Variants in RABGAP1 observed in about 807,000 individuals in gnomAD.
RABGAP1 encodes RAB GTPase activating protein 1, also known as rab GTPase-activating protein 1.
Under a neutral mutation model 137.6 loss-of-function variants are expected in RABGAP1, and 23 were observed. The ratio of observed to expected loss-of-function variants is 0.17; its 90% CI spans 0.12 to 0.24. The LOEUF is 0.24. Ranked by LOEUF, RABGAP1 falls within the 10% of genes least tolerant of loss-of-function variation. The probability of loss-of-function intolerance (pLI) is 1.00; values close to 1 mark genes in which losing one functional copy is unlikely to be tolerated. For missense variants in RABGAP1, 906 were observed against 1,275.8 expected, an observed-to-expected ratio of 0.71 and a Z score of 4.42; for synonymous variants, 451 against 450.7, an observed-to-expected ratio of 1.00 and a Z score of -0.01.
chr9:122,975,698 G>A (rs1588199290), intron 2 of RABGAP1, among the ~76,000 whole-genome samples: 3 of 152,242 alleles, frequency 2.0e-5, no homozygotes, highest in Admixed American at 2.0e-4. Context: ...ACACTTATTG[G>A]ATGCTATTTG....
intron 11 of RABGAP1, 31 bp from the exon 12 acceptor site, chr9:123,015,512 T>C (rs187734452): frequency 8.1e-5 from 116 of 1,437,930 alleles, no homozygotes; most frequent in Admixed American, 3.2e-4. Context: ...GCCATCTCTG[T>C]TACCGTTTTT....
upstream of RABGAP1, chr9:122,938,246 A>G (rs951220396): frequency 6.6e-6 from 1 of 151,666 alleles, no homozygotes; most frequent in Admixed American, 6.6e-5. Context: ...TAGTTTTACT[A>G]GAGTGATCTT....
chr9:122,990,353 A>C, intron 6 of RABGAP1, 140 bp downstream of exon 6: 1 of 650,058 alleles, frequency 1.5e-6, no homozygotes, highest in Non-Finnish European at 2.3e-6. Context: ...AAAGGCATAT[A>C]AATACATAAA....
chr9:122,934,364 C>T, the RABGAP1 span, among the ~76,000 whole-genome samples: 2 of 152,206 alleles, frequency 1.3e-5, no homozygotes, highest in African/African-American at 4.8e-5. Flanking sequence ...AGGCGTGAGC[C>T]ACCACGCCCG....
intron 1 of RABGAP1, among the ~76,000 whole-genome samples, chr9:122,952,458 CG>C (rs1834305615): frequency 6.6e-6 from 1 of 151,802 alleles, no homozygotes; most frequent in East Asian, 1.9e-4. Context: ...TGAGTAGAGA[CG>C]GGGTTTCACC....
chr9:122,997,720 G>A (rs898227135), intron 9 of RABGAP1, among the ~76,000 whole-genome samples: 3 of 152,104 alleles, frequency 2.0e-5, no homozygotes, highest in Non-Finnish European at 4.4e-5. Flanking sequence ...CAGTCCCCAG[G>A]GCTCTGTCCC....
chr9:122,943,071 T>G (rs1365292307), intron 1 of RABGAP1, among the ~76,000 whole-genome samples: 1 of 96,230 alleles, frequency 1.0e-5, no homozygotes, highest in African/African-American at 3.6e-5. Flanking sequence ...TGGTGCACTT[T>G]CTTTTTTTTT....
At chr9:122,950,885 C>T (rs1834210029) in intron 1 of RABGAP1, among the ~76,000 whole-genome samples, 1 of 152,026 alleles carries the variant, frequency 6.6e-6, no homozygotes, top group Non-Finnish European at 1.5e-5. Context: ...GAAAAGGAAC[C>T]TAAATCAGAA....
intron 21 of RABGAP1, among the ~76,000 whole-genome samples, chr9:123,090,856 G>A (rs186562876): frequency 6.6e-6 from 1 of 152,224 alleles, no homozygotes; most frequent in East Asian, 1.9e-4. Flanking sequence ...ATTTTTCTTT[G>A]CTTCTCCTAA....
chr9:123,060,890 G>T (rs2033944579), intron 13 of RABGAP1, among the ~76,000 whole-genome samples: 1 of 152,310 alleles, frequency 6.6e-6, no homozygotes. Context: ...TGTTCAAAGA[G>T]ATATACATTT....
At chr9:123,084,954 A>G (rs1189846962) in intron 19 of RABGAP1, among the ~76,000 whole-genome samples, 1 of 152,188 alleles carries the variant, frequency 6.6e-6, no homozygotes, top group African/African-American at 2.4e-5. Context: ...CTTAGTGGGC[A>G]GGTTGTACCA....
At chr9:123,071,964 AG>A (rs1289944418) in intron 15 of RABGAP1, among the ~76,000 whole-genome samples, 12 of 152,308 alleles carry the variant, frequency 7.9e-5, no homozygotes, top group African/African-American at 2.9e-4. Context: ...TTTGAAGCCC[AG>A]ATAAGGAGTC....
rs1001872185 is a variant in RABGAP1, at chr9:123,103,249, C to G, written c.*36C>G. 4 of 1,610,850 alleles carry G rather than the reference C, an allele frequency of 2.5e-6. No homozygotes were observed. The highest frequency in any genetic ancestry group is 2.2e-5 in the South Asian group (2 of 90,694). The stretch of plus-strand genomic sequence containing the variant: ...CGCCTCCCGACACCTTCAGAAAACA[C>G]GACACCTTTTGTTGCCTTCTTTGGC... On this transcript the variant is annotated 3_prime_UTR_variant, in exon 26 of 26. Coordinates refer to ENST00000373647, the MANE Select transcript of RABGAP1 (RefSeq NM_012197.4).
rs1330091825 is a variant in RABGAP1 at position 122,952,149 on chromosome 9, C to T, written c.-49-4862C>T. On this transcript the variant is annotated intron_variant, in intron 1 of 25. Transcript: ENST00000373647. ...TATAAGTGAACATAATTGTCTGTCA[C>T]CTCAAGTGACTTGACTTTTTTAAAA... Among the ~76,000 whole-genome samples, 4 of 152,212 alleles carry T rather than the reference C, an allele frequency of 2.6e-5. 1 individual carries two copies.
intron 1 of RABGAP1, among the ~76,000 whole-genome samples, chr9:122,944,128 A>G (rs760583412): frequency 2.6e-5 from 4 of 152,190 alleles, no homozygotes; most frequent in Non-Finnish European, 5.9e-5. Flanking sequence ...CTGGTTTGCT[A>G]AGGTTCTGAC....
chr9:123,013,765 TA>T (rs1461465543), intron 11 of RABGAP1, among the ~76,000 whole-genome samples: 2 of 152,222 alleles, frequency 1.3e-5, no homozygotes, highest in African/African-American at 4.8e-5. Context: ...CAATAAGAAG[TA>T]TCACAGATTT....
intron 19 of RABGAP1, among the ~76,000 whole-genome samples, chr9:123,089,079 GAA>G (rs2034958642): frequency 1.5e-4 from 12 of 78,168 alleles, no homozygotes; most frequent in Admixed American, 1.3e-3. Flanking sequence ...AGGCTTGAGA[GAA>G]AGAGAACAAT....
chr9:123,020,546 G>A (rs746357237), intron 13 of RABGAP1, 87 bp downstream of exon 13: 23 of 1,237,930 alleles, frequency 1.9e-5, no homozygotes, highest in Admixed American at 8.7e-5. Flanking sequence ...CTTATAAGAA[G>A]TGTTTATTAT....
intron 2 of RABGAP1, among the ~76,000 whole-genome samples, chr9:122,967,399 A>G (rs1835218502): frequency 6.6e-6 from 1 of 152,160 alleles, no homozygotes; most frequent in Non-Finnish European, 1.5e-5. Flanking sequence ...TGATTGTAGG[A>G]TATTTATATA....
Sources: gnomAD v4.1 joint callset for allele counts (sites outside exome capture counted in the v4.1 genomes callset) on GRCh38, gnomAD v4.1.1 for gene constraint, MANE v1.5 for transcripts, NCBI Gene and HGNC (gene_info 2026-07-23, HGNC 2026-07-21) for gene names.